ACAP2: variants seen among roughly 807,000 people sequenced by gnomAD.
ACAP2 encodes arf-GAP with coiled-coil, ANK repeat and PH domain-containing protein 2.
A neutral mutation model predicts 115.8 loss-of-function variants in ACAP2; 39 were observed. The observed-to-expected ratio is 0.34, with a 90% CI of 0.26 to 0.44. The LOEUF (loss-of-function observed/expected upper bound fraction) is 0.44, where lower values mean the gene tolerates loss of function less well. ACAP2 is among the 20% of genes least tolerant of loss of function. The pLI is 1.00. For missense variants in ACAP2, 662 were observed against 927.6 expected (o/e 0.71, Z 3.72); for synonymous variants, 289 against 315.8 (o/e 0.92, Z 0.90).
chr3:195,426,234 C>A (rs1714676049), intron 1 of ACAP2, among the ~76,000 whole-genome samples: 1 of 152,164 alleles, frequency 6.6e-6, no homozygotes, highest in Non-Finnish European at 1.5e-5. Context: ...ACAAGCTTCT[C>A]CCCACAACCA....
At chr3:195,411,319 T>C (rs1030823805) in intron 1 of ACAP2, among the ~76,000 whole-genome samples, 1 of 152,198 alleles carries the variant, frequency 6.6e-6, no homozygotes, top group Admixed American at 6.5e-5. Flanking sequence ...ACCGAAGAAA[T>C]ATTTGTATAC....
Position 195,333,076 on chromosome 3 carries a change from A to G in ACAP2, c.621T>C (p.Tyr207=), listed in dbSNP as rs752417118. 1 of 1,610,576 alleles carries G rather than the reference A, an allele frequency of 6.2e-7. No homozygotes were observed. Among genetic ancestry groups the G allele is most frequent in the African/African-American group, 1.3e-5 (1 of 74,656 alleles). The change falls in exon 8 of 23, where the codon TAT becomes TAC. Residue 207 remains tyrosine (Y), a synonymous_variant. Transcript: ENST00000326793. ...YAHLAFFHQG[Y]DLFSELGPYM... is the part of the protein sequence containing the mutation. The stretch of plus-strand genomic sequence containing the variant: ...AGGGTCCAAGTTCACTAAACAGATC[A>G]TATCCTTGATGAAAGAAGGCCAAAT...
chr3:195,400,987 C>G (rs546315895), intron 1 of ACAP2, among the ~76,000 whole-genome samples: 1 of 152,100 alleles, frequency 6.6e-6, no homozygotes, highest in Non-Finnish European at 1.5e-5. Context: ...AGCGTGAGCC[C>G]AAGAGTTTCA....
intron 8 of ACAP2, among the ~76,000 whole-genome samples, chr3:195,327,700 G>C (rs1729885306): frequency 6.6e-6 from 1 of 152,132 alleles, no homozygotes; most frequent in African/African-American, 2.4e-5. Flanking sequence ...GGGAGGCCAA[G>C]GTGGGCGGAT....
At chr3:195,417,041 A>G (rs1713787564) in intron 1 of ACAP2, among the ~76,000 whole-genome samples, 1 of 148,060 alleles carries the variant, frequency 6.8e-6, no homozygotes, top group African/African-American at 2.5e-5. Context: ...CCGCCTGAAT[A>G]CCTGGGACTA....
At chr3:195,309,889 C>T (rs1369531591) in intron 10 of ACAP2, among the ~76,000 whole-genome samples, 8 of 151,924 alleles carry the variant, frequency 5.3e-5, no homozygotes, top group African/African-American at 1.9e-4. Flanking sequence ...TTTACTAATT[C>T]TAATTTATTA....
intron 1 of ACAP2, among the ~76,000 whole-genome samples, chr3:195,424,739 G>A (rs769998707): frequency 1.3e-4 from 19 of 151,536 alleles, no homozygotes; most frequent in Non-Finnish European, 2.5e-4. Flanking sequence ...AACACAGTGA[G>A]ATTTCGTCTC....
intron 5 of ACAP2, among the ~76,000 whole-genome samples, chr3:195,343,704 G>C (rs1466251439): frequency 2.0e-5 from 3 of 152,148 alleles, no homozygotes; most frequent in Non-Finnish European, 4.4e-5. Flanking sequence ...TTAATAGTCT[G>C]AAAATCTGAA....
chr3:195,312,373 T>A (rs889007068), intron 10 of ACAP2, among the ~76,000 whole-genome samples: 1 of 152,244 alleles, frequency 6.6e-6, no homozygotes, highest in Non-Finnish European at 1.5e-5. Context: ...ATAATCAATA[T>A]GGTTTTACCA....
intron 1 of ACAP2, among the ~76,000 whole-genome samples, chr3:195,409,007 T>C (rs1713022183): frequency 6.6e-6 from 1 of 151,932 alleles, no homozygotes; most frequent in African/African-American, 2.4e-5. Flanking sequence ...ACTGAAAGCT[T>C]CCCTGTAGGA....
chr3:195,378,221 A>G (rs928343552), intron 4 of ACAP2, among the ~76,000 whole-genome samples: 1 of 152,148 alleles, frequency 6.6e-6, no homozygotes, highest in African/African-American at 2.4e-5. Context: ...AGCTGGGTGC[A>G]GTGGCTGACG....
intron 10 of ACAP2, among the ~76,000 whole-genome samples, chr3:195,312,475 A>AT (rs1014404556): frequency 6.6e-6 from 1 of 151,648 alleles, no homozygotes; most frequent in African/African-American, 2.4e-5. Flanking sequence ...CATATATGTA[A>AT]TTTTTTTTAG....
chr3:195,400,178 C>CA lies in ACAP2; in HGVS notation c.54-8032dup, dbSNP rs754609130. ...GGGCAACAAGAATGACAGTCCGTCTCAAAAAAAAAAACAACAAAAAAATAC... is the reference window on the plus strand; with the variant it reads ...GGGCAACAAGAATGACAGTCCGTCTCAAAAAAAAAAAACAACAAAAAAATAC... On this transcript the variant is annotated intron_variant, in intron 1 of 22. Coordinates refer to ENST00000326793, the MANE Select transcript of ACAP2 (RefSeq NM_012287.6). Among the ~76,000 whole-genome samples the CA allele has an allele frequency of 6.7e-3, 787 of 117,446 alleles. 17 individuals carry two copies. In the East Asian group the frequency reaches 0.084, roughly 12 times the overall value. The allele number at this position is 117,446 out of a possible 152,430, so 77.0% of individuals were successfully genotyped here. A position where few individuals can be genotyped will look rare whatever the true frequency, so the allele number is the denominator to read the frequency against.
rs184650635 is a variant in ACAP2, at chr3:195,329,759, T to C, written c.670-2800A>G. Among the ~76,000 whole-genome samples the C allele has an allele frequency of 2.6e-5, 4 of 152,296 alleles. No individual in the cohort carries two copies. The East Asian group carries it at 7.7e-4, about 29-fold the overall frequency. The stretch of plus-strand genomic sequence containing the variant: ...GTCCTAGGTTTACTTAACTTTCTAA[T>C]AATGGAAGCTGATAACCACTCCTTC... On this transcript the variant is annotated intron_variant, in intron 8 of 22. Transcript: ENST00000326793.
chr3:195,411,061 T>A, intron 1 of ACAP2: 1 of 311,776 alleles, frequency 3.2e-6, no homozygotes, highest in Non-Finnish European at 6.4e-6. Context: ...AGTGCTATTC[T>A]GCCATCGATG....
At chr3:195,433,303 TG>T (rs1715283250) in intron 1 of ACAP2, among the ~76,000 whole-genome samples, 1 of 150,864 alleles carries the variant, frequency 6.6e-6, no homozygotes, top group Admixed American at 6.6e-5. Context: ...TATTTTTTAT[TG>T]TTTTTTTCCA....
chr3:195,414,151 G>A (rs952809256), intron 1 of ACAP2, among the ~76,000 whole-genome samples: 2 of 152,110 alleles, frequency 1.3e-5, no homozygotes, highest in South Asian at 2.1e-4. Flanking sequence ...TCTAGAACAT[G>A]GACAACACCA....
chr3:195,440,310 T>C (rs1021354136), intron 1 of ACAP2, among the ~76,000 whole-genome samples: 3 of 152,232 alleles, frequency 2.0e-5, no homozygotes, highest in Non-Finnish European at 4.4e-5. Context: ...AAAGACAATG[T>C]TGCAAATGCA....
intron 11 of ACAP2, among the ~76,000 whole-genome samples, chr3:195,308,322 T>C (rs1728549606): frequency 6.8e-6 from 1 of 146,106 alleles, no homozygotes; most frequent in Non-Finnish European, 1.5e-5. Flanking sequence ...TAGACAAAGA[T>C]ACATATAAAG....
Sources: gnomAD v4.1 joint callset for allele counts (sites outside exome capture counted in the v4.1 genomes callset) on GRCh38, gnomAD v4.1.1 for gene constraint, MANE v1.5 for transcripts, NCBI Gene and HGNC (gene_info 2026-07-23, HGNC 2026-07-21) for gene names.